The following ZFPM2 variants were observed in gnomAD, a reference collection of about 807,000 sequenced individuals.
The protein encoded by ZFPM2 is zinc finger protein, FOG family member 2.
A neutral mutation model predicts 98.6 loss-of-function variants in ZFPM2; 20 were observed. That is an observed-to-expected ratio of 0.20 (90% CI 0.14 to 0.29). The LOEUF (loss-of-function observed/expected upper bound fraction) is 0.29. ZFPM2 is among the 10% of genes least tolerant of loss of function. The probability of loss-of-function intolerance (pLI) is 1.00; values close to 1 mark genes in which losing one functional copy is unlikely to be tolerated. For missense variants in ZFPM2, 1,310 were observed against 1,388.6 expected (o/e 0.94, Z 0.90); for synonymous variants, 518 against 502.7 (o/e 1.03, Z -0.41).
chr8:105,450,985 G>GA (rs1277102182), intron 3 of ZFPM2, among the ~76,000 whole-genome samples: 4,658 of 145,086 alleles, frequency 0.032, 231 homozygotes, highest in African/African-American at 0.11. Context: ...CAACCAAAAA[G>GA]AAAAAAAAAA....
intron 3 of ZFPM2, among the ~76,000 whole-genome samples, chr8:105,516,272 C>A (rs189058156): frequency 9.2e-5 from 14 of 152,172 alleles, no homozygotes; most frequent in East Asian, 1.9e-4. Flanking sequence ...TCTGTTACCC[C>A]CCTTGAGACA....
At chr8:105,704,760 G>A (rs1811218134) in intron 5 of ZFPM2, among the ~76,000 whole-genome samples, 1 of 152,162 alleles carries the variant, frequency 6.6e-6, no homozygotes, top group Non-Finnish European at 1.5e-5. Context: ...TGCCTCATAA[G>A]GGAAAGTGGA....
intron 5 of ZFPM2, among the ~76,000 whole-genome samples, chr8:105,734,024 A>C (rs1812011438): frequency 6.6e-6 from 1 of 151,940 alleles, no homozygotes; most frequent in Non-Finnish European, 1.5e-5. Flanking sequence ...CTATGTTTTC[A>C]TGAATAACGC....
intron 1 of ZFPM2, among the ~76,000 whole-genome samples, chr8:105,412,434 A>C (rs2130043267): frequency 6.6e-6 from 1 of 151,986 alleles, no homozygotes; most frequent in South Asian, 2.1e-4. Context: ...GCAAAAGCCC[A>C]AAATCAATTA....
chr8:105,772,458 A>C (rs969232834), intron 5 of ZFPM2, among the ~76,000 whole-genome samples: 2 of 152,186 alleles, frequency 1.3e-5, no homozygotes, highest in Non-Finnish European at 2.9e-5. Context: ...CAGAGCAAAG[A>C]CTTTCCCTGC....
intron 3 of ZFPM2, among the ~76,000 whole-genome samples, chr8:105,526,210 C>A (rs1157602463): frequency 6.6e-6 from 1 of 152,046 alleles, no homozygotes; most frequent in African/African-American, 2.4e-5. Flanking sequence ...CACTCATGTC[C>A]TCCCGGCCTC....
At chr8:105,348,677 G>A (rs1812584788) in intron 1 of ZFPM2, among the ~76,000 whole-genome samples, 1 of 152,152 alleles carries the variant, frequency 6.6e-6, no homozygotes, top group Admixed American at 6.5e-5. Context: ...CTTCTTTCAA[G>A]GGAGGGACAG....
chr8:105,683,702 G>C (rs185343144), intron 5 of ZFPM2, among the ~76,000 whole-genome samples: 109 of 152,112 alleles, frequency 7.2e-4, no homozygotes, highest in Admixed American at 3.5e-3. Flanking sequence ...CATCTCTTAA[G>C]AATCAGCCCT....
chr8:105,710,937 C>G (rs1811378055), intron 5 of ZFPM2, among the ~76,000 whole-genome samples: 1 of 152,000 alleles, frequency 6.6e-6, no homozygotes, highest in African/African-American at 2.4e-5. Context: ...GTTGTTTTAT[C>G]TTTACATTGT....
At chr8:105,729,523 A>G (rs960536149) in intron 5 of ZFPM2, among the ~76,000 whole-genome samples, 2 of 151,692 alleles carry the variant, frequency 1.3e-5, no homozygotes, top group East Asian at 1.9e-4. Flanking sequence ...GTTTCTTTAC[A>G]TATTCCTACA....
intron 1 of ZFPM2, among the ~76,000 whole-genome samples, chr8:105,331,865 T>C (rs1034107386): frequency 1.3e-5 from 2 of 151,734 alleles, no homozygotes; most frequent in African/African-American, 4.8e-5. Context: ...TTTGCCAAAA[T>C]GATTTTTTTG....
chr8:105,499,995 GTT>G (rs1337100836), intron 3 of ZFPM2, among the ~76,000 whole-genome samples: 1 of 152,122 alleles, frequency 6.6e-6, no homozygotes, highest in Non-Finnish European at 1.5e-5. Context: ...TCTTGGATAC[GTT>G]TTGTTTCGCA....
chr8:105,588,840 G>A (rs1256945507), intron 4 of ZFPM2, among the ~76,000 whole-genome samples: 3 of 152,142 alleles, frequency 2.0e-5, no homozygotes, highest in Non-Finnish European at 2.9e-5. Context: ...ATGTATGTCA[G>A]GCCAGTTAGG....
chr8:105,524,246 C>T (rs1423972023), intron 3 of ZFPM2, among the ~76,000 whole-genome samples: 1 of 152,110 alleles, frequency 6.6e-6, no homozygotes, highest in Non-Finnish European at 1.5e-5. Context: ...TTAAGGTTGT[C>T]ATAATTGTTG....
chr8:105,431,150 C>T (rs1171081362), intron 2 of ZFPM2, among the ~76,000 whole-genome samples: 3 of 151,936 alleles, frequency 2.0e-5, no homozygotes, highest in South Asian at 2.1e-4. Context: ...TCAGGTGACC[C>T]GCCCACCTTG....
intron 5 of ZFPM2, among the ~76,000 whole-genome samples, chr8:105,721,774 C>T (rs1242571771): frequency 6.6e-6 from 1 of 151,932 alleles, no homozygotes; most frequent in African/African-American, 2.4e-5. Flanking sequence ...GTAATTTTCT[C>T]AGAAAGAATA....
intron 1 of ZFPM2, among the ~76,000 whole-genome samples, chr8:105,322,081 G>C (rs1225732777): frequency 1.3e-5 from 2 of 151,788 alleles, no homozygotes; most frequent in Non-Finnish European, 2.9e-5. Flanking sequence ...TGTAATCCTG[G>C]TTTGATAAAA....
chr8:105,703,369 A>T (rs1332974213), intron 5 of ZFPM2, among the ~76,000 whole-genome samples: 3 of 152,164 alleles, frequency 2.0e-5, no homozygotes, highest in Non-Finnish European at 2.9e-5. Flanking sequence ...CTGGGGAGAA[A>T]ATCCGTATTA....
intron 1 of ZFPM2, among the ~76,000 whole-genome samples, chr8:105,345,807 G>C (rs745345521): frequency 6.6e-6 from 1 of 151,926 alleles, no homozygotes; most frequent in Admixed American, 6.6e-5. Flanking sequence ...ACATAGACCT[G>C]TTTCTAACTC....
Sources: allele counts gnomAD v4.1 joint callset (sites outside exome capture counted in the v4.1 genomes callset), GRCh38; gene constraint gnomAD v4.1.1; transcripts MANE v1.5; gene names NCBI Gene and HGNC (gene_info 2026-07-23, HGNC 2026-07-21).